The following CCDC178 variants were observed in gnomAD, a reference collection of about 807,000 sequenced individuals.
The protein encoded by CCDC178 is coiled-coil domain containing 178.
A neutral mutation model predicts 117.4 loss-of-function variants in CCDC178; 126 were observed. The observed-to-expected ratio is 1.07, with a 90% CI of 0.93 to 1.24. CCDC178 has a LOEUF of 1.24. Among genes scored for constraint, CCDC178 ranks in the 50% most tolerant of loss-of-function variants. The pLI is 0.00. For missense variants in CCDC178, 1,030 were observed against 986.9 expected, an observed-to-expected ratio of 1.04 and a Z score of -0.59; for synonymous variants, 283 against 313.4, an observed-to-expected ratio of 0.90 and a Z score of 1.02.
chr18:33,275,666 G>GC (rs1458479180), intron 12 of CCDC178, among the ~76,000 whole-genome samples: 57 of 96,424 alleles, frequency 5.9e-4, no homozygotes, highest in Middle Eastern at 0.011. Flanking sequence ...GGGGAGGGGG[G>GC]AGGGGAGGGG....
intron 12 of CCDC178, among the ~76,000 whole-genome samples, chr18:33,281,369 G>A (rs1216690263): frequency 2.6e-5 from 4 of 151,516 alleles, no homozygotes; most frequent in Non-Finnish European, 2.9e-5. Context: ...AATTTAAATC[G>A]TAAATTATAT....
At chr18:33,001,249 G>A (rs868683083) in intron 21 of CCDC178, among the ~76,000 whole-genome samples, 2 of 152,332 alleles carry the variant, frequency 1.3e-5, no homozygotes, top group South Asian at 4.1e-4. Context: ...GCCAGGCGCA[G>A]TGGCTCATGC....
chr18:33,404,377 A>T (rs77298912), intron 3 of CCDC178, among the ~76,000 whole-genome samples: 1 of 147,802 alleles, frequency 6.8e-6, no homozygotes, highest in African/African-American at 2.5e-5. Flanking sequence ...TCTACTAATT[A>T]AAAAAAAAAA....
intron 15 of CCDC178, among the ~76,000 whole-genome samples, chr18:33,241,723 C>T (rs2059490605): frequency 6.6e-6 from 1 of 151,044 alleles, no homozygotes; most frequent in African/African-American, 2.4e-5. Context: ...GAAGTGGATA[C>T]AAACAAAATG....
chr18:33,200,902 A>G (rs1343337498), intron 20 of CCDC178, among the ~76,000 whole-genome samples: 1 of 152,230 alleles, frequency 6.6e-6, no homozygotes, highest in Non-Finnish European at 1.5e-5. Flanking sequence ...TTCTGACAAC[A>G]CATGACTTCA....
At chr18:33,429,346 G>A (rs2064172650) in intron 2 of CCDC178, among the ~76,000 whole-genome samples, 1 of 152,068 alleles carries the variant, frequency 6.6e-6, no homozygotes, top group Admixed American at 6.6e-5. Context: ...GAGAAAAGCA[G>A]AGAAGGAGGG....
chr18:33,393,197 GTA>G (rs2063585105), intron 4 of CCDC178, among the ~76,000 whole-genome samples: 1 of 151,718 alleles, frequency 6.6e-6, no homozygotes, highest in African/African-American at 2.4e-5. Context: ...TATTTCATAT[GTA>G]TGCCTTATTT....
At chr18:33,020,903 A>G (rs1390822785) in intron 21 of CCDC178, among the ~76,000 whole-genome samples, 3 of 152,208 alleles carry the variant, frequency 2.0e-5, no homozygotes, top group African/African-American at 7.2e-5. Context: ...TGTTAGTGTC[A>G]AGTGACCACA....
At chr18:32,965,486 G>T (rs2054792008) in intron 22 of CCDC178, among the ~76,000 whole-genome samples, 2 of 151,900 alleles carry the variant, frequency 1.3e-5, no homozygotes, top group South Asian at 4.1e-4. Flanking sequence ...ACATATTTTA[G>T]ATATATGTGT....
intron 5 of CCDC178, among the ~76,000 whole-genome samples, chr18:33,386,740 A>T (rs920457210): frequency 2.6e-5 from 4 of 152,212 alleles, no homozygotes; most frequent in African/African-American, 9.6e-5. Flanking sequence ...GCCATTTATC[A>T]CAAACCCACA....
chr18:33,294,783 T>A (rs1184114518), intron 11 of CCDC178, among the ~76,000 whole-genome samples: 2 of 152,180 alleles, frequency 1.3e-5, no homozygotes, highest in African/African-American at 4.8e-5. Flanking sequence ...TGTTATCTAT[T>A]GCCTCCAGTC....
chr18:33,223,734 C>T (rs1399386149), intron 17 of CCDC178, among the ~76,000 whole-genome samples: 1 of 152,036 alleles, frequency 6.6e-6, no homozygotes, highest in Non-Finnish European at 1.5e-5. Flanking sequence ...CATTATTGTA[C>T]TCAGACAACC....
intron 20 of CCDC178, among the ~76,000 whole-genome samples, chr18:33,115,420 C>G (rs2057842771): frequency 6.6e-6 from 1 of 151,972 alleles, no homozygotes; most frequent in South Asian, 2.1e-4. Context: ...CCTTTTTTCA[C>G]TATTAGAAAT....
chr18:33,050,975 C>T (rs537218462), intron 21 of CCDC178, among the ~76,000 whole-genome samples: 123 of 152,180 alleles, frequency 8.1e-4, no homozygotes, highest in African/African-American at 2.8e-3. Flanking sequence ...TGCAATGGCG[C>T]GATCTTGACA....
intron 6 of CCDC178, among the ~76,000 whole-genome samples, chr18:33,359,194 A>G (rs1482013745): frequency 6.6e-6 from 1 of 151,842 alleles, no homozygotes; most frequent in African/African-American, 2.4e-5. Context: ...TCAACAAGTT[A>G]GTAATAATTA....
intron 15 of CCDC178, among the ~76,000 whole-genome samples, chr18:33,236,147 G>A (rs1003078394): frequency 6.6e-5 from 10 of 152,152 alleles, no homozygotes; most frequent in African/African-American, 2.4e-4. Flanking sequence ...AGCTACCCTA[G>A]AAGTGATATT....
At chr18:33,373,232 G>A (rs77738997) in intron 5 of CCDC178, among the ~76,000 whole-genome samples, 157 of 152,164 alleles carry the variant, frequency 1.0e-3, no homozygotes, top group African/African-American at 3.7e-3. Flanking sequence ...TAAATATCTA[G>A]AATAATACAC....
intron 11 of CCDC178, among the ~76,000 whole-genome samples, chr18:33,314,814 G>T (rs1351110316): frequency 6.6e-6 from 1 of 152,150 alleles, no homozygotes; most frequent in Non-Finnish European, 1.5e-5. Flanking sequence ...CAGGAGTGAT[G>T]CCTTAGGTTC....
rs141251460 is a variant in CCDC178 at position 33,281,900 on chromosome 18, C to T, written c.1176+11259G>A. ...TATAATACTTAAAAATTAAAGCACA[C>T]TTAATATCCAATGACAAGGGTTTAA... On this transcript the variant is annotated intron_variant, in intron 12 of 22. Coordinates refer to ENST00000383096, the MANE Select transcript of CCDC178 (RefSeq NM_001105528.4). Among the ~76,000 whole-genome samples the T allele has an allele frequency of 7.9e-3, 1,205 of 152,268 alleles. 5 individuals carry two copies. The highest frequency in any genetic ancestry group is 0.012 in the Non-Finnish European group (834 of 68,028).
Sources: gnomAD v4.1 joint callset for allele counts (sites outside exome capture counted in the v4.1 genomes callset) on GRCh38, gnomAD v4.1.1 for gene constraint, MANE v1.5 for transcripts, NCBI Gene and HGNC (gene_info 2026-07-23, HGNC 2026-07-21) for gene names.